The following ANK2 variants were observed in gnomAD, a reference collection of about 807,000 sequenced individuals.
The protein encoded by ANK2 is ankyrin-2.
In ANK2, 83 loss-of-function variants were observed where a neutral mutation model predicts 360.5. The observed-to-expected ratio is 0.23, with a 90% CI of 0.19 to 0.28. The LOEUF (loss-of-function observed/expected upper bound fraction) is 0.28, where lower values mean the gene tolerates loss of function less well. Among genes scored for constraint, ANK2 ranks in the 10% least tolerant of loss-of-function variants. The probability of loss-of-function intolerance (pLI) is 1.00; values close to 1 mark genes in which losing one functional copy is unlikely to be tolerated. For missense variants in ANK2, 4,201 were observed against 4,795.7 expected (o/e 0.88, Z 3.66); for synonymous variants, 1,740 against 1,759.5 (o/e 0.99, Z 0.28).
chr4:113,239,929 T>A (rs975108034), intron 7 of ANK2, among the ~76,000 whole-genome samples: 12 of 152,196 alleles, frequency 7.9e-5, no homozygotes, highest in Non-Finnish European at 1.6e-4. Flanking sequence ...GCTACACAGT[T>A]GTAAAAGGGT....
chr4:113,170,645 G>A (rs1010210454), intron 1 of ANK2, among the ~76,000 whole-genome samples: 1 of 152,116 alleles, frequency 6.6e-6, no homozygotes, highest in African/African-American at 2.4e-5. Context: ...CATGCCCCTA[G>A]AGCCTTTGGG....
intron 19 of ANK2, among the ~76,000 whole-genome samples, chr4:113,288,149 A>G (rs1296577644): frequency 1.3e-5 from 2 of 152,136 alleles, no homozygotes; most frequent in African/African-American, 4.8e-5. Context: ...GTTTTCAGAT[A>G]TTATTTATGC....
intron 1 of ANK2, among the ~76,000 whole-genome samples, chr4:112,893,934 A>T (rs532747246): frequency 5.9e-5 from 9 of 152,272 alleles, no homozygotes; most frequent in African/African-American, 1.7e-4. Flanking sequence ...GAGACGGAGG[A>T]TACAGTGAGC....
In ANK2 at chr4:113,381,628, A is replaced by G. The variant is rs774658182; in HGVS notation, c.*157A>G. 6.4e-7 allele frequency: 1 copy of G among 1,554,346 alleles called. No homozygotes were observed. The highest frequency in any genetic ancestry group is 1.2e-5 in the South Asian group (1 of 84,952). The stretch of plus-strand genomic sequence containing the variant: ...ATTTCTGCAAGGAGGACTTGAAGCA[A>G]GAGGCCAAGTGAGGGGCTGCCCAGT... On this transcript the variant is annotated 3_prime_UTR_variant, in exon 46 of 46. Coordinates refer to ENST00000357077, the MANE Select transcript of ANK2 (RefSeq NM_001148.6).
chr4:112,836,668 A>G (rs1028780397), intron 1 of ANK2, among the ~76,000 whole-genome samples: 6 of 152,250 alleles, frequency 3.9e-5, no homozygotes, highest in Non-Finnish European at 7.3e-5. Flanking sequence ...CACTCTTGCC[A>G]TGCTTTAGCA....
At chr4:113,165,943 T>A (rs2097737737) in intron 1 of ANK2, among the ~76,000 whole-genome samples, 1 of 152,156 alleles carries the variant, frequency 6.6e-6, no homozygotes, top group South Asian at 2.1e-4. Flanking sequence ...TTAGCAGAAA[T>A]TTGGAAATGT....
At chr4:112,775,080 A>T in the ANK2 span, among the ~76,000 whole-genome samples, 2 of 152,074 alleles carry the variant, frequency 1.3e-5, no homozygotes, top group Middle Eastern at 3.2e-3. Flanking sequence ...GACCAGCTGG[A>T]GGTGGAGAGG....
intron 1 of ANK2, among the ~76,000 whole-genome samples, chr4:113,095,834 A>G (rs1159976914): frequency 6.6e-6 from 1 of 152,292 alleles, no homozygotes; most frequent in East Asian, 1.9e-4. Context: ...GCATGTTTAT[A>G]GTAGTTAACT....
At chr4:112,823,837 G>A (rs2057763534) in intron 1 of ANK2, among the ~76,000 whole-genome samples, 1 of 152,178 alleles carries the variant, frequency 6.6e-6, no homozygotes, top group Non-Finnish European at 1.5e-5. Context: ...GTTATGGATT[G>A]GCCCATTGTA....
intron 1 of ANK2, among the ~76,000 whole-genome samples, chr4:112,870,968 A>G (rs1432080239): frequency 6.6e-6 from 1 of 152,152 alleles, no homozygotes; most frequent in Non-Finnish European, 1.5e-5. Flanking sequence ...TTTCAACAGT[A>G]TTGTGCAGTT....
chr4:113,089,597 G>A (rs935443268), intron 1 of ANK2, among the ~76,000 whole-genome samples: 1 of 152,142 alleles, frequency 6.6e-6, no homozygotes, highest in African/African-American at 2.4e-5. Context: ...AGGCTGAGGC[G>A]GGTGGATCAC....
intron 2 of ANK2, among the ~76,000 whole-genome samples, chr4:113,193,816 T>C (rs1046060080): frequency 1.3e-5 from 2 of 152,160 alleles, no homozygotes; most frequent in Admixed American, 6.5e-5. Context: ...TTCTAACCTC[T>C]TTCAAAAACT....
At chr4:113,156,389 A>ATTTTTTTTTTTTTTC (rs1562481290) in intron 1 of ANK2, among the ~76,000 whole-genome samples, 7 of 137,984 alleles carry the variant, frequency 5.1e-5, no homozygotes, top group African/African-American at 1.9e-4. Flanking sequence ...TTTGTTTTTG[A>ATTTTTTTTTTTTTTC]GACAGAGTTT....
intron 2 of ANK2, among the ~76,000 whole-genome samples, 171 bp from the exon 3 acceptor site, chr4:113,196,197 A>C (rs777245221): frequency 6.6e-6 from 1 of 152,234 alleles, no homozygotes; most frequent in Non-Finnish European, 1.5e-5. Context: ...TGAATCAAAA[A>C]CACTGAAATT....
At chr4:113,084,010 T>C (rs1219087444) in intron 1 of ANK2, among the ~76,000 whole-genome samples, 1 of 152,120 alleles carries the variant, frequency 6.6e-6, no homozygotes, top group Admixed American at 6.6e-5. Context: ...TATCTCTGAT[T>C]TGCGATTGTT....
chr4:113,104,150 G>A (rs1310299070), intron 1 of ANK2, among the ~76,000 whole-genome samples: 1 of 152,136 alleles, frequency 6.6e-6, no homozygotes, highest in African/African-American at 2.4e-5. Context: ...TAATGTTCCT[G>A]TTCCTTAGGT....
chr4:113,305,500 T>G (rs184521894), intron 23 of ANK2, among the ~76,000 whole-genome samples: 151 of 152,314 alleles, frequency 9.9e-4, no homozygotes, highest in African/African-American at 2.6e-3. Context: ...TGACCAAGAT[T>G]ATCTTTTGTG....
intron 2 of ANK2, among the ~76,000 whole-genome samples, chr4:113,002,256 T>C (rs2154287283): frequency 6.6e-6 from 1 of 152,256 alleles, no homozygotes; most frequent in Admixed American, 6.5e-5. Context: ...TAAAGACACA[T>C]GCACACGTAT....
At chr4:113,088,496 A>G (rs1173817613) in intron 1 of ANK2, among the ~76,000 whole-genome samples, 1 of 152,228 alleles carries the variant, frequency 6.6e-6, no homozygotes, top group African/African-American at 2.4e-5. Context: ...ATTACCAACA[A>G]TTGGCCTCAC....
Sources: gnomAD v4.1 joint callset for allele counts (sites outside exome capture counted in the v4.1 genomes callset) on GRCh38, gnomAD v4.1.1 for gene constraint, MANE v1.5 for transcripts, NCBI Gene and HGNC (gene_info 2026-07-23, HGNC 2026-07-21) for gene names.